WWTR1: variants seen among roughly 807,000 people sequenced by gnomAD.
The protein encoded by WWTR1 is WW domain containing transcription regulator 1.
A neutral mutation model predicts 40.1 loss-of-function variants in WWTR1; 13 were observed. The ratio of observed to expected loss-of-function variants is 0.32; its 90% confidence interval spans 0.21 to 0.52. WWTR1 has a LOEUF of 0.52. WWTR1 is among the 20% of genes least tolerant of loss of function. The pLI is 0.97. For synonymous variants in WWTR1, 230 were observed against 210.1 expected (o/e 1.09, Z -0.82); for missense variants, 436 against 523.1 (o/e 0.83, Z 1.63).
chr3:149,634,790 CA>C (rs983968257), intron 2 of WWTR1, among the ~76,000 whole-genome samples: 2 of 152,346 alleles, frequency 1.3e-5, no homozygotes, highest in African/African-American at 4.8e-5. Flanking sequence ...ATGTGCTTTC[CA>C]GACACTACCT....
intron 3 of WWTR1, among the ~76,000 whole-genome samples, chr3:149,548,464 A>C (rs1006325417): frequency 1.3e-5 from 2 of 152,160 alleles, no homozygotes; most frequent in African/African-American, 4.8e-5. Flanking sequence ...TGCTTCCCTC[A>C]TTTTTAAAAT....
chr3:149,610,901 G>T (rs1739707529), intron 2 of WWTR1, among the ~76,000 whole-genome samples: 1 of 152,154 alleles, frequency 6.6e-6, no homozygotes, highest in Non-Finnish European at 1.5e-5. Context: ...CCAACACTTT[G>T]GGAGGCCAAG....
intron 4 of WWTR1, among the ~76,000 whole-genome samples, chr3:149,536,303 C>T (rs1735830277): frequency 3.9e-5 from 6 of 152,126 alleles, no homozygotes; most frequent in Admixed American, 3.9e-4. Context: ...ACTACGTGAC[C>T]TCTGTTAACC....
chr3:149,695,534 G>T (rs1268811692), intron 1 of WWTR1, among the ~76,000 whole-genome samples: 2 of 151,892 alleles, frequency 1.3e-5, no homozygotes, highest in Non-Finnish European at 2.9e-5. Flanking sequence ...GCCAAGGCAG[G>T]CGAATCACTT....
chr3:149,675,858 C>T (rs1714241904), intron 1 of WWTR1, among the ~76,000 whole-genome samples: 1 of 152,088 alleles, frequency 6.6e-6, no homozygotes, highest in Non-Finnish European at 1.5e-5. Flanking sequence ...GCTGAGACTA[C>T]AGGCGTCCAC....
At chr3:149,652,788 A>G (rs956435823) in intron 2 of WWTR1, among the ~76,000 whole-genome samples, 1 of 152,180 alleles carries the variant, frequency 6.6e-6, no homozygotes, top group East Asian at 1.9e-4. Flanking sequence ...ATCAGGTGCT[A>G]AAAGTTGATA....
chr3:149,706,205 A>G, upstream of WWTR1, among the ~76,000 whole-genome samples: 1 of 152,278 alleles, frequency 6.6e-6, no homozygotes, highest in Non-Finnish European at 1.5e-5. Context: ...TCTGTCTCAA[A>G]AGAAAAAATA....
At chr3:149,718,929 G>A (rs943409402) in intron 4 of WWTR1, among the ~76,000 whole-genome samples, 7 of 151,570 alleles carry the variant, frequency 4.6e-5, no homozygotes, top group Non-Finnish European at 5.9e-5. Context: ...AGGTTCAAGC[G>A]GTTCTCCTGC....
chr3:149,560,758 A>T (rs1213889709), intron 3 of WWTR1, among the ~76,000 whole-genome samples: 1 of 152,160 alleles, frequency 6.6e-6, no homozygotes, highest in Non-Finnish European at 1.5e-5. Flanking sequence ...TGAAAAGGAA[A>T]AGGACGAAAA....
chr3:149,661,578 C>T (rs1266183178), upstream of WWTR1, among the ~76,000 whole-genome samples: 5 of 152,088 alleles, frequency 3.3e-5, no homozygotes, highest in Non-Finnish European at 5.9e-5. Context: ...TGCACCACCA[C>T]GCCTGGCTAA....
intron 2 of WWTR1, among the ~76,000 whole-genome samples, chr3:149,628,736 T>TA (rs201510213): frequency 0.028 from 4,085 of 144,182 alleles, 81 homozygotes; most frequent in African/African-American, 0.056. Context: ...TCTTTTTATT[T>TA]TTTTTATTTT....
At chr3:149,632,358 A>T (rs1711586856) in intron 2 of WWTR1, among the ~76,000 whole-genome samples, 2 of 152,194 alleles carry the variant, frequency 1.3e-5, no homozygotes, top group African/African-American at 4.8e-5. Context: ...CCACTTTACC[A>T]ACGAGGAAAC....
intron 1 of WWTR1, among the ~76,000 whole-genome samples, chr3:149,686,295 T>C (rs536465811): frequency 6.6e-6 from 1 of 152,180 alleles, no homozygotes; most frequent in Non-Finnish European, 1.5e-5. Context: ...TTTCCAGGCA[T>C]CACATCTCAG....
chr3:149,595,064 C>A (rs887660845), intron 2 of WWTR1, among the ~76,000 whole-genome samples: 5 of 141,002 alleles, frequency 3.5e-5, no homozygotes, highest in African/African-American at 1.3e-4. Flanking sequence ...CAGGTTCAAG[C>A]GATTCTCCTG....
upstream of WWTR1, among the ~76,000 whole-genome samples, chr3:149,661,673 C>T (rs542842019): frequency 6.6e-6 from 1 of 151,938 alleles, no homozygotes; most frequent in Non-Finnish European, 1.5e-5. Context: ...ATCCGCCCAC[C>T]TTGGCCTCCC....
At chr3:149,604,739 C>T (rs531351408) in intron 2 of WWTR1, among the ~76,000 whole-genome samples, 11 of 152,304 alleles carry the variant, frequency 7.2e-5, no homozygotes, top group South Asian at 2.1e-4. Context: ...CCTGCTGAAG[C>T]GGTACTGGCC....
At chr3:149,648,837 G>A (rs918918288) in intron 2 of WWTR1, among the ~76,000 whole-genome samples, 3 of 152,126 alleles carry the variant, frequency 2.0e-5, no homozygotes, top group Non-Finnish European at 4.4e-5. Context: ...ACCACAGGTC[G>A]AAACCAGCTC....
Position 149,666,243 on chromosome 3 carries a change from T to C in WWTR1, c.-4+3545A>G, listed in dbSNP as rs1713814147. Among the ~76,000 whole-genome samples the C allele has an allele frequency of 2.6e-5, 4 of 152,242 alleles. No individual in the cohort carries two copies. The South Asian group carries it at 8.3e-4, about 32-fold the overall frequency. On this transcript the variant is annotated intron_variant, in intron 2 of 7. Coordinates refer to the WWTR1 transcript ENST00000465804. ...GTCTCAGCATTGTCCAGACACAAGT[T>C]AGGACACTTTTCATGCCTGGTCAAA... is the stretch of plus-strand genomic sequence containing the variant.
intron 2 of WWTR1, among the ~76,000 whole-genome samples, chr3:149,642,517 T>C (rs1303363972): frequency 6.6e-6 from 1 of 152,078 alleles, no homozygotes; most frequent in African/African-American, 2.4e-5. Context: ...GGCTCACGCC[T>C]GTAATCCCAG....
Sources: gnomAD v4.1 joint callset for allele counts (sites outside exome capture counted in the v4.1 genomes callset) on GRCh38, gnomAD v4.1.1 for gene constraint, MANE v1.5 for transcripts, NCBI Gene and HGNC (gene_info 2026-07-23, HGNC 2026-07-21) for gene names.